The following DAPK3 variants were observed in gnomAD, a reference collection of about 807,000 sequenced individuals.
DAPK3 encodes death-associated protein kinase 3.
A neutral mutation model predicts 30.6 loss-of-function variants in DAPK3; 24 were observed. That is an observed-to-expected ratio of 0.78 (90% confidence interval 0.57 to 1.10). The LOEUF is 1.10. Ranked by LOEUF, DAPK3 falls within the 50% of genes least tolerant of loss-of-function variation. The probability of loss-of-function intolerance (pLI) is 0.00; values close to 1 mark genes in which losing one functional copy is unlikely to be tolerated. For synonymous variants in DAPK3, 341 were observed against 284.0 expected, an observed-to-expected ratio of 1.20 and a Z score of -2.02; for missense variants, 629 against 657.3, an observed-to-expected ratio of 0.96 and a Z score of 0.47.
intron 7 of DAPK3, 68 bp from the exon 8 acceptor site, chr19:3,960,172 TC>T: frequency 1.2e-6 from 1 of 856,758 alleles, no homozygotes; most frequent in South Asian, 1.4e-5. Flanking sequence ...AACAACTGAC[TC>T]CCGGGACCCC....
chr19:3,964,928 C>T lies in DAPK3; in HGVS notation c.126G>A (p.Lys42=), dbSNP rs1251653470. The change falls in exon 3 of 9, where the codon AAG becomes AAA. Residue 42 remains lysine, a synonymous_variant. Transcript: ENST00000545797. ...ATGACAGGCGGCGCTTCTTGATGAA[C>T]TTGGCTGCGTACTCCTTGCCCGTGC... ...QKGTGKEYAA[K]FIKKRRLSSS... is the part of the protein sequence containing the mutation. 3 of 1,612,708 alleles carry T rather than the reference C, an allele frequency of 1.9e-6. No individual in the cohort carries two copies. The highest frequency in any genetic ancestry group is 1.3e-5 in the African/African-American group (1 of 75,010).
In DAPK3 at chr19:3,959,081, C is replaced by T; in HGVS notation, c.*20G>A. 3 of 1,461,308 alleles carry T rather than the reference C, an allele frequency of 2.1e-6. No individual in the cohort carries two copies. Among genetic ancestry groups the T allele is most frequent in the Non-Finnish European group, 2.7e-6 (3 of 1,103,424 alleles). The allele number at this position is 1,461,308 out of a possible 1,614,324, so 90.5% of individuals were successfully genotyped here. A position where few individuals can be genotyped will look rare whatever the true frequency, so the allele number is the denominator to read the frequency against. ...AGGCCGAGCTCCGGCTGTCCTGGGGCCTGGCCCACCCCACTGCGCCTAGCG... is the reference window on the plus strand; with the variant it reads ...AGGCCGAGCTCCGGCTGTCCTGGGGTCTGGCCCACCCCACTGCGCCTAGCG... On this transcript the variant is annotated 3_prime_UTR_variant, in exon 9 of 9. Coordinates refer to ENST00000545797, the MANE Select transcript of DAPK3 (RefSeq NM_001348.3).
chr19:3,958,986 G>T lies in DAPK3; in HGVS notation c.*115C>A. ...GCTCCTCCCACTCCGCCTCCAGCCT[G>T]GTGGCGCTGGGCAAGGACAGGCACC... On this transcript the variant is annotated 3_prime_UTR_variant, in exon 9 of 9. Coordinates refer to ENST00000545797, the MANE Select transcript of DAPK3 (RefSeq NM_001348.3). The T allele has an allele frequency of 1.5e-6, 1 of 675,258 alleles. No homozygotes were observed. Among genetic ancestry groups the T allele is most frequent in the Non-Finnish European group, 2.4e-6 (1 of 414,478 alleles). The allele number at this position is 675,258 out of a possible 1,614,324, so 41.8% of individuals were successfully genotyped here.
At chr19:3,964,578 A>AAACC in intron 3 of DAPK3, 53 bp downstream of exon 3, 1 of 530,252 alleles carries the variant, frequency 1.9e-6, no homozygotes, top group Non-Finnish European at 2.8e-6. Flanking sequence ...TCCCCGCCCC[A>AAACC]TCCCCACCCC....
At position 3,960,064 on chromosome 19, in the gene DAPK3, TC is replaced by T; in HGVS notation, c.822del (p.Trp274Ter). ...MTIAQSLEHSWIKAIRRRNVR... is the reference protein window; with the variant it reads ...MTIAQSLEHSXIKAIRRRNVR... Reference sequence around the variant, plus strand: ...TCCCCCACCTCCCCACTTACCTTAATCCAGGAATGTTCCAGGCTCTGGGCAA... The same window carrying T: ...TCCCCCACCTCCCCACTTACCTTAATCAGGAATGTTCCAGGCTCTGGGCAA... On this transcript the variant is annotated frameshift_variant, in exon 8 of 9. Coordinates refer to ENST00000545797, the MANE Select transcript of DAPK3 (RefSeq NM_001348.3). LOFTEE classifies it low-confidence loss of function (END_TRUNC). 6.4e-7 allele frequency: 1 copy of T among 1,555,876 alleles called. No individual in the cohort carries two copies. The highest frequency in any genetic ancestry group is 8.9e-7 in the Non-Finnish European group (1 of 1,127,404).
Position 3,963,645 on chromosome 19 carries a change from G to A in DAPK3, c.627C>T (p.Ile209=), listed in dbSNP as rs761425690. ...DMWSIGVITY[I]LLSGASPFLG... The stretch of plus-strand genomic sequence containing the variant: ...GGGGGCCCCCGCCAGGTACTCACAG[G>A]ATATAGGTGATGACACCGATGCTCC... The change falls in exon 6 of 9, where the codon ATC becomes ATT. Residue 209 remains isoleucine (I), a splice_region_variant and synonymous_variant. Transcript: ENST00000545797. The A allele has an allele frequency of 1.4e-5, 21 of 1,534,686 alleles. No individual in the cohort carries two copies. The highest frequency in any genetic ancestry group is 1.7e-5 in the Non-Finnish European group (20 of 1,142,854).
chr19:3,961,473 G>A (rs747093571), intron 6 of DAPK3: 3 of 553,792 alleles, frequency 5.4e-6, no homozygotes, highest in Non-Finnish European at 1.1e-5. Flanking sequence ...GCCGAGGGGA[G>A]GGTAACTGCA....
At position 3,958,835 on chromosome 19, in the gene DAPK3, C is replaced by G; in HGVS notation, c.*266G>C. ...AACCCTCACGGTGCCACAGGCCACG[C>G]TGCCTGGAGGGTCCCAGGGTCACCG... On this transcript the variant is annotated 3_prime_UTR_variant, in exon 9 of 9. Transcript: ENST00000545797. The G allele has an allele frequency of 1.7e-6, 1 of 582,828 alleles. No homozygotes were observed. 36.1% of individuals were successfully genotyped at this position (582,828 alleles called of 1,614,324 possible).
rs750920877 is a variant in DAPK3, at chr19:3,964,692, T to C, written c.362A>G (p.Lys121Arg). The change falls in exon 3 of 9, where the codon AAG becomes AGG. Residue 121 changes from lysine to arginine, a missense_variant. Lys to Arg is a conservative substitution (Grantham distance 26). Transcript: ENST00000545797. ...LTEDEATQFL[K>R]QILDGVHYLH... ...GTAGTGAACGCCGTCCAGGATCTGC[T>C]TGAGGAACTGGGTGGCCTCGTCCTC... is the stretch of plus-strand genomic sequence containing the variant. 4 of 1,611,748 alleles carry C rather than the reference T, an allele frequency of 2.5e-6. No homozygotes were observed. Among genetic ancestry groups the C allele is most frequent in the South Asian group, 1.1e-5 (1 of 90,982 alleles).
intron 2 of DAPK3, among the ~76,000 whole-genome samples, chr19:3,967,984 TA>T (rs1161955202): frequency 6.6e-6 from 1 of 152,230 alleles, no homozygotes; most frequent in Non-Finnish European, 1.5e-5. Context: ...ATACTTTTTT[TA>T]AAATTATGAA....
intron 2 of DAPK3, among the ~76,000 whole-genome samples, chr19:3,968,025 C>G (rs1043343434): frequency 6.6e-6 from 1 of 152,222 alleles, no homozygotes; most frequent in Non-Finnish European, 1.5e-5. Context: ...TGGGGGTCAA[C>G]TTATGTTGCC....
intron 6 of DAPK3, chr19:3,961,409 G>A: frequency 1.5e-6 from 1 of 647,730 alleles, no homozygotes; most frequent in Non-Finnish European, 3.0e-6. Flanking sequence ...TCTCCTTGGA[G>A]ACTCGAAGTA....
rs368049036 is a variant in DAPK3 at position 3,961,201 on chromosome 19, C to T, written c.630-40G>A. The T allele has an allele frequency of 1.5e-5, 23 of 1,564,624 alleles. No homozygotes were observed. The African/African-American group carries it at 3.0e-4, about 20-fold the overall frequency. ...TGGGGGCTCAGTGGGGTCCTGGGCT[C>T]CCACCACGGCCGCGCCGCCTCTCCG... On this transcript the variant is annotated intron_variant, in intron 6 of 8. Transcript: ENST00000545797.
chr19:3,965,120 G>A (rs1451733463), intron 2 of DAPK3, 129 bp from the exon 3 acceptor site: 1 of 619,254 alleles, frequency 1.6e-6, no homozygotes, highest in Non-Finnish European at 2.9e-6. Context: ...AAGGACATGA[G>A]CTGGCCACTG....
chr19:3,965,965 T>C (rs2039573844), intron 2 of DAPK3, among the ~76,000 whole-genome samples: 1 of 152,178 alleles, frequency 6.6e-6, no homozygotes, highest in African/African-American at 2.4e-5. Context: ...ATTTATTTTT[T>C]GTAGAGACAG....
chr19:3,962,397 T>C (rs565785286), intron 6 of DAPK3, among the ~76,000 whole-genome samples: 1 of 152,334 alleles, frequency 6.6e-6, no homozygotes, highest in East Asian at 1.9e-4. Flanking sequence ...CCCACGCCAT[T>C]GTTTATTTCC....
chr19:3,963,875 T>A lies in DAPK3; in HGVS notation c.598A>T (p.Met200Leu). ...NYEPLGLEAD[M>L]WSIGVITYIL... ...GGGAGCAGGTGGTACACTCACCACA[T>A]GTCCGCCTCCAGGCCCAGCGGCTCA... Residue 200 changes from methionine (M) to leucine (L), a missense_variant, in exon 5 of 9, where the codon ATG becomes TTG. By Grantham distance (15) the Met-to-Leu change is conservative. This residue lies in a region of DAPK3 where 306 missense variants were observed against 378.5 expected (regional missense o/e 0.81). Transcript: ENST00000545797. The A allele has an allele frequency of 6.3e-7, 1 of 1,596,072 alleles. No homozygotes were observed. Among genetic ancestry groups the A allele is most frequent in the Non-Finnish European group, 8.6e-7 (1 of 1,165,550 alleles).
chr19:3,958,773 G>C lies in DAPK3; in HGVS notation c.*328C>G. On this transcript the variant is annotated 3_prime_UTR_variant, in exon 9 of 9. Transcript: ENST00000545797. ...AACCCTCCTCCGGGCCTGAACCAGGGCTGCATTCGGGCCGCCTCTGCGCCT... is the reference window on the plus strand; with the variant it reads ...AACCCTCCTCCGGGCCTGAACCAGGCCTGCATTCGGGCCGCCTCTGCGCCT... 1 of 528,674 alleles carries C rather than the reference G, an allele frequency of 1.9e-6. No homozygotes were observed. The highest frequency in any genetic ancestry group is 3.4e-6 in the Non-Finnish European group (1 of 291,060). 32.7% of individuals were successfully genotyped at this position (528,674 alleles called of 1,614,324 possible).
At chr19:3,965,475 G>C (rs2039568857) in intron 2 of DAPK3, among the ~76,000 whole-genome samples, 1 of 152,130 alleles carries the variant, frequency 6.6e-6, no homozygotes, top group South Asian at 2.1e-4. Flanking sequence ...AAAATTAGCT[G>C]GGTGTGGTGG....
Sources: allele counts gnomAD v4.1 joint callset (sites outside exome capture counted in the v4.1 genomes callset), GRCh38; gene constraint gnomAD v4.1.1; regional missense constraint gnomAD v4.1.1; transcripts MANE v1.5; gene names NCBI Gene and HGNC (gene_info 2026-07-23, HGNC 2026-07-21).